ZMYM6: variants seen among roughly 807,000 people sequenced by gnomAD.
The protein encoded by ZMYM6 is zinc finger MYM-type protein 6.
In ZMYM6, 90 loss-of-function variants were observed where a neutral mutation model predicts 134.0. The ratio of observed to expected loss-of-function variants is 0.67; its 90% CI spans 0.57 to 0.80. ZMYM6 has a LOEUF of 0.80. Ranked by LOEUF, ZMYM6 falls within the 30% of genes least tolerant of loss-of-function variation. The pLI is 0.00. For synonymous variants in ZMYM6, 481 were observed against 524.1 expected, an observed-to-expected ratio of 0.92 and a Z score of 1.12; for missense variants, 1,362 against 1,533.9, an observed-to-expected ratio of 0.89 and a Z score of 1.87.
Position 34,988,523 on chromosome 1 carries a change from A to G in ZMYM6, c.2559T>C (p.Ile853=), listed in dbSNP as rs1640610479. The G allele has an allele frequency of 6.4e-7, 1 of 1,551,076 alleles. No homozygotes were observed. Among genetic ancestry groups the G allele is most frequent in the East Asian group, 2.4e-5 (1 of 40,904 alleles). Residue 853 remains isoleucine (I), a synonymous_variant, in exon 16 of 16, where the codon ATT becomes ATC. Transcript: ENST00000357182. ...AACACATTTCTACTAAATATGGTTT[A>G]ATTAATTCTTCAGCAATGGAGAATG... The part of the protein sequence containing the change: ...KKPFSIAEEL[I]KPYLVEMCSE...
chr1:34,988,771 A>C lies in ZMYM6; in HGVS notation c.2311T>G (p.Cys771Gly). 2.6e-6 allele frequency: 4 copies of C among 1,551,768 alleles called. No individual in the cohort carries two copies. Among genetic ancestry groups the C allele is most frequent in the Non-Finnish European group, 2.6e-6 (3 of 1,147,030 alleles). The change falls in exon 16 of 16, where the codon TGT becomes GGT. Residue 771 changes from cysteine to glycine, a missense_variant. By Grantham distance (159) the Cys-to-Gly change is radical (BLOSUM62 -3). This residue lies in a region of ZMYM6 where 824 missense variants were observed against 940.9 expected (regional missense o/e 0.88). Transcript: ENST00000357182. ...ESSPRPQCVI[C>G]GEILSSENMK... ...TTTTCACTGGATAAGATCTCTCCAC[A>C]AATGACACACTGTGGCCTTGGTGAA...
intron 6 of ZMYM6, chr1:35,013,441 C>G (rs932973110): frequency 8.1e-6 from 8 of 983,886 alleles, no homozygotes; most frequent in African/African-American, 3.5e-5. Flanking sequence ...AGTAAAAAGA[C>G]AGAGTACAAT....
intron 14 of ZMYM6, among the ~76,000 whole-genome samples, chr1:34,995,171 GTA>G (rs372417902): frequency 7.0e-6 from 1 of 143,572 alleles, no homozygotes. Flanking sequence ...ATGTATGTGT[GTA>G]TATATATATA....
rs541106336 is a variant in ZMYM6 at position 34,988,070 on chromosome 1, T to C, written c.3012A>G (p.Thr1004=). The C allele has an allele frequency of 1.1e-3, 1,645 of 1,551,564 alleles. 1 individual carries two copies. The highest frequency in any genetic ancestry group is 1.3e-3 in the Non-Finnish European group (1,463 of 1,146,990). Residue 1004 remains threonine, a synonymous_variant, in exon 16 of 16, where the codon ACA becomes ACG. Transcript: ENST00000357182. ...KAKIQEVAMN[T]AAFTHCFIHR... ...GAATAAAACAATGTGTAAATGCCGC[T>C]GTATTCATGGCAACTTCTTGAATTT...
At chr1:34,991,441 A>G (rs1262109831) in intron 15 of ZMYM6, among the ~76,000 whole-genome samples, 5 of 152,176 alleles carry the variant, frequency 3.3e-5, no homozygotes, top group Non-Finnish European at 4.4e-5. Flanking sequence ...AAGCTTTTAA[A>G]TATAGTGTAT....
chr1:35,006,918 CA>C (rs757632787), intron 12 of ZMYM6, 32 bp downstream of exon 12: 1 of 1,588,590 alleles, frequency 6.3e-7, no homozygotes, highest in South Asian at 1.2e-5. Context: ...CTAGCACTGA[CA>C]TAAAAATCCC....
rs567405582 is a variant in ZMYM6 at position 35,015,034 on chromosome 1, G to A, written c.557C>T (p.Thr186Ile). ...LKKKPVVTIY[T>I]KSISTKCSMC... ...ACTGCACTTAGTTGAAATGCTTTTG[G>A]TATATATGGTAACAACAGGTTTTTT... The change falls in exon 5 of 16, where the codon ACC becomes ATC. Residue 186 changes from threonine (T) to isoleucine (I), a missense_variant. By Grantham distance (89) the Thr-to-Ile change is moderately conservative (BLOSUM62 -1). Around this residue, in one of 3 missense-constraint regions of ZMYM6, gnomAD observed 503 missense variants for 520.8 expected, o/e 0.97. Coordinates refer to ENST00000357182, the MANE Select transcript of ZMYM6 (RefSeq NM_007167.4). 4.3e-6 allele frequency: 7 copies of A among 1,613,522 alleles called. No homozygotes were observed. The Admixed American group carries it at 6.7e-5, about 15-fold the overall frequency.
At chr1:34,991,260 T>C (rs1257356736) in intron 15 of ZMYM6, among the ~76,000 whole-genome samples, 1 of 152,076 alleles carries the variant, frequency 6.6e-6, no homozygotes, top group African/African-American at 2.4e-5. Context: ...CCACAGATCC[T>C]TTAGTACTCT....
At chr1:35,009,310 G>T (rs933562971) in intron 10 of ZMYM6, among the ~76,000 whole-genome samples, 2 of 152,250 alleles carry the variant, frequency 1.3e-5, no homozygotes, top group Admixed American at 1.3e-4. Flanking sequence ...CGCCATGTTG[G>T]CCAGGCTGGT....
intron 4 of ZMYM6, chr1:35,019,020 C>T: frequency 2.2e-6 from 1 of 448,302 alleles, no homozygotes; most frequent in South Asian, 4.2e-5. Flanking sequence ...TTATTTTATG[C>T]TATACCCAAT....
chr1:35,021,302 G>A (rs773358441), intron 2 of ZMYM6, among the ~76,000 whole-genome samples: 8 of 151,502 alleles, frequency 5.3e-5, no homozygotes, highest in East Asian at 2.0e-4. Flanking sequence ...TACCACACCC[G>A]GCGAATTTTT....
chr1:35,031,505 G>A (rs1361546468), intron 1 of ZMYM6: 1 of 152,250 alleles, frequency 6.6e-6, no homozygotes. Flanking sequence ...TTCCAAAGAA[G>A]AAATGAGAAC....
intron 2 of ZMYM6, among the ~76,000 whole-genome samples, chr1:35,025,957 C>T (rs1048174443): frequency 1.3e-5 from 2 of 152,096 alleles, no homozygotes; most frequent in Non-Finnish European, 2.9e-5. Flanking sequence ...TGGATTACAG[C>T]AGGCAGGAAT....
intron 6 of ZMYM6, chr1:35,013,032 C>T (rs917981660): frequency 3.1e-6 from 3 of 957,660 alleles, no homozygotes; most frequent in Admixed American, 1.2e-4. Flanking sequence ...AGAGATCCTA[C>T]ACAACTACCT....
At chr1:35,025,824 G>A (rs1224914543) in intron 2 of ZMYM6, among the ~76,000 whole-genome samples, 2 of 152,094 alleles carry the variant, frequency 1.3e-5, no homozygotes, top group Non-Finnish European at 2.9e-5. Context: ...CTTTTAACGG[G>A]TTACTATCTA....
At chr1:35,020,161 C>A (rs938070773) in intron 3 of ZMYM6, among the ~76,000 whole-genome samples, 1 of 152,064 alleles carries the variant, frequency 6.6e-6, no homozygotes, top group Non-Finnish European at 1.5e-5. Flanking sequence ...ATCACTGAAA[C>A]AGAAGTTTTA....
At chr1:34,993,111 TTTTC>T (rs957663857) in intron 14 of ZMYM6, among the ~76,000 whole-genome samples, 2 of 132,066 alleles carry the variant, frequency 1.5e-5, no homozygotes, top group Non-Finnish European at 3.0e-5. Context: ...TTCTTTTCTT[TTTTC>T]TTTTTTTTTT....
At chr1:35,029,753 A>T (rs1641483361) in intron 2 of ZMYM6, among the ~76,000 whole-genome samples, 1 of 152,194 alleles carries the variant, frequency 6.6e-6, no homozygotes, top group South Asian at 2.1e-4. Context: ...TTCATAATTC[A>T]GCTTACACAT....
At chr1:35,020,273 C>T (rs1641281881) in intron 3 of ZMYM6, 110 bp downstream of exon 3, 1 of 965,218 alleles carries the variant, frequency 1.0e-6, no homozygotes, top group South Asian at 2.3e-5. Flanking sequence ...TTTGAAAAAA[C>T]ACAGCTCTAA....
Sources: allele counts gnomAD v4.1 joint callset (sites outside exome capture counted in the v4.1 genomes callset), GRCh38; gene constraint gnomAD v4.1.1; regional missense constraint gnomAD v4.1.1; transcripts MANE v1.5; gene names NCBI Gene and HGNC (gene_info 2026-07-23, HGNC 2026-07-21).